The following RCAN1 variants were observed in gnomAD, a reference collection of about 807,000 sequenced individuals.
The protein encoded by RCAN1 is calcipressin-1.
RCAN1 carries 11 observed loss-of-function variants against 22.9 expected under a neutral mutation model. The observed-to-expected ratio is 0.48, with a 90% confidence interval of 0.30 to 0.79. RCAN1 has a LOEUF of 0.79. Among genes scored for constraint, RCAN1 ranks in the 30% least tolerant of loss-of-function variants. The pLI is 0.06. For missense variants in RCAN1, 291 were observed against 337.8 expected, an observed-to-expected ratio of 0.86 and a Z score of 1.09; for synonymous variants, 136 against 142.3, an observed-to-expected ratio of 0.96 and a Z score of 0.32.
intron 1 of RCAN1, among the ~76,000 whole-genome samples, chr21:34,569,046 G>A (rs1437684891): frequency 6.6e-6 from 1 of 152,164 alleles, no homozygotes; most frequent in Non-Finnish European, 1.5e-5. Context: ...AAAGCATGGG[G>A]GACACCGCCC....
intron 1 of RCAN1, among the ~76,000 whole-genome samples, chr21:34,599,338 G>A (rs1343810262): frequency 6.6e-6 from 1 of 152,162 alleles, no homozygotes; most frequent in East Asian, 1.9e-4. Flanking sequence ...GCTGGGTGTG[G>A]TGGCAGGTGG....
chr21:34,537,470 G>A lies in RCAN1; in HGVS notation c.253-13760C>T, dbSNP rs149928589. ...GACTTCTTTTTGGTGGTGGTGGCCC[G>A]GGGAGATGTGGCCACCCTGGGCCCA... is the stretch of plus-strand genomic sequence containing the variant. On this transcript the variant is annotated intron_variant, in intron 1 of 3. Coordinates refer to ENST00000313806, the MANE Select transcript of RCAN1 (RefSeq NM_004414.7). Among the ~76,000 whole-genome samples, 247 of 152,264 alleles carry A rather than the reference G, an allele frequency of 1.6e-3. 2 individuals are homozygous for A. Among genetic ancestry groups the A allele is most frequent in the African/African-American group, 5.3e-3 (221 of 41,534 alleles).
At chr21:34,533,079 G>T (rs1985494481) in intron 1 of RCAN1, among the ~76,000 whole-genome samples, 1 of 151,044 alleles carries the variant, frequency 6.6e-6, no homozygotes, top group Non-Finnish European at 1.5e-5. Flanking sequence ...TCCTGCCTCA[G>T]CCTCCCGAGT....
At chr21:34,539,210 C>T (rs1985809545) in intron 1 of RCAN1, among the ~76,000 whole-genome samples, 2 of 152,062 alleles carry the variant, frequency 1.3e-5, no homozygotes, top group Admixed American at 1.3e-4. Flanking sequence ...ACATTAGATG[C>T]AAATATGTTC....
chr21:34,529,771 C>T (rs1332836071), intron 1 of RCAN1, among the ~76,000 whole-genome samples: 2 of 152,186 alleles, frequency 1.3e-5, no homozygotes, highest in Non-Finnish European at 2.9e-5. Context: ...GCTGTGTCCC[C>T]ACCAAAATCT....
chr21:34,588,767 G>A (rs532676500), intron 1 of RCAN1, among the ~76,000 whole-genome samples: 144 of 152,294 alleles, frequency 9.5e-4, no homozygotes, highest in Non-Finnish European at 1.7e-3. Flanking sequence ...TAGCCAAGAT[G>A]GCAGCAACCC....
intron 1 of RCAN1, chr21:34,560,287 G>A (rs1986741155): frequency 6.6e-6 from 1 of 152,186 alleles, no homozygotes; most frequent in Admixed American, 6.5e-5. Context: ...CACACTGGGA[G>A]GGGCTAAAAG....
chr21:34,554,913 C>G (rs1427940893), intron 1 of RCAN1, among the ~76,000 whole-genome samples: 1 of 152,174 alleles, frequency 6.6e-6, no homozygotes, highest in Admixed American at 6.5e-5. Context: ...ATTTTGTGAG[C>G]CTTATTTACT....
intron 1 of RCAN1, among the ~76,000 whole-genome samples, chr21:34,536,598 C>T (rs896217343): frequency 1.3e-5 from 2 of 152,206 alleles, no homozygotes; most frequent in Non-Finnish European, 2.9e-5. Flanking sequence ...CTGCAGCATT[C>T]CATACTCTCC....
Position 34,615,061 on chromosome 21 carries a change from C to G in RCAN1, c.-50G>C, listed in dbSNP as rs1328905700. 2.0e-6 allele frequency: 2 copies of G among 1,015,716 alleles called. No individual in the cohort carries two copies. The highest frequency in any genetic ancestry group is 2.4e-6 in the Non-Finnish European group (2 of 851,016). 62.9% of individuals were successfully genotyped at this position (1,015,716 alleles called of 1,614,324 possible). On this transcript the variant is annotated 5_prime_UTR_variant, in exon 1 of 4. Coordinates refer to ENST00000313806, the MANE Select transcript of RCAN1 (RefSeq NM_004414.7). ...GCCCCAGCGGGCTGCTCCGGGCTTG[C>G]GCGCCGGAGCCTCACGCGCTCCGGT...
chr21:34,549,221 T>C (rs552344109), intron 1 of RCAN1, among the ~76,000 whole-genome samples: 2 of 152,296 alleles, frequency 1.3e-5, no homozygotes, highest in Admixed American at 6.5e-5. Flanking sequence ...ATGCTCTCAG[T>C]GGCCCTCGAA....
chr21:34,591,231 C>T (rs1474681640), intron 1 of RCAN1, among the ~76,000 whole-genome samples: 2 of 152,160 alleles, frequency 1.3e-5, no homozygotes, highest in East Asian at 3.8e-4. Context: ...ACATGCTGTC[C>T]ACATTCTGAT....
intron 1 of RCAN1, among the ~76,000 whole-genome samples, chr21:34,549,424 G>T (rs1986276064): frequency 6.6e-6 from 1 of 152,090 alleles, no homozygotes; most frequent in African/African-American, 2.4e-5. Flanking sequence ...GTTCTAATCT[G>T]CTTTTGAGTT....
At chr21:34,525,023 G>A in intron 1 of RCAN1, 1 of 1,539,826 alleles carries the variant, frequency 6.5e-7, no homozygotes, top group Non-Finnish European at 8.8e-7. Flanking sequence ...GAAGGGGCTG[G>A]CCAGGAAGAA....
At chr21:34,585,692 G>A (rs1282248162) in intron 1 of RCAN1, among the ~76,000 whole-genome samples, 2 of 133,874 alleles carry the variant, frequency 1.5e-5, no homozygotes, top group Non-Finnish European at 3.1e-5. Context: ...GCAGTGAGCC[G>A]AGATTGTGCC....
chr21:34,568,392 T>C (rs1006610120), intron 1 of RCAN1, among the ~76,000 whole-genome samples: 14 of 152,244 alleles, frequency 9.2e-5, no homozygotes, highest in African/African-American at 3.4e-4. Context: ...CCTCAAATGT[T>C]TTTTTAACTT....
At chr21:34,563,794 T>TAGAGAGAGAGAG (rs60116779) in intron 1 of RCAN1, among the ~76,000 whole-genome samples, 86 of 48,710 alleles carry the variant, frequency 1.8e-3, no homozygotes, top group Non-Finnish European at 2.2e-3. Flanking sequence ...TATATATATA[T>TAGAGAGAGAGAG]AGAGAGAGAG....
chr21:34,573,884 A>C (rs918617022), intron 1 of RCAN1, among the ~76,000 whole-genome samples: 1 of 152,224 alleles, frequency 6.6e-6, no homozygotes, highest in Non-Finnish European at 1.5e-5. Context: ...TTTTCTAATT[A>C]GAAAACCGTC....
At chr21:34,589,546 T>C (rs1661446832) in intron 1 of RCAN1, among the ~76,000 whole-genome samples, 3 of 152,196 alleles carry the variant, frequency 2.0e-5, no homozygotes. Context: ...GGCCCCGGTG[T>C]GTGCAGACTG....
Sources: gnomAD v4.1 joint callset for allele counts (sites outside exome capture counted in the v4.1 genomes callset) on GRCh38, gnomAD v4.1.1 for gene constraint, MANE v1.5 for transcripts, NCBI Gene and HGNC (gene_info 2026-07-23, HGNC 2026-07-21) for gene names.